CHCHD3: variants seen among roughly 807,000 people sequenced by gnomAD.
CHCHD3 encodes coiled-coil-helix-coiled-coil-helix domain containing 3, also known as MICOS complex subunit MIC19.
In CHCHD3, 20 loss-of-function variants were observed where a neutral mutation model predicts 38.2. The ratio of observed to expected loss-of-function variants is 0.52; its 90% CI spans 0.37 to 0.76. The LOEUF is 0.76. Among genes scored for constraint, CHCHD3 ranks in the 30% least tolerant of loss-of-function variants. CHCHD3 has a pLI of 0.00. For synonymous variants in CHCHD3, 82 were observed against 100.0 expected (o/e 0.82, Z 1.07); for missense variants, 245 against 279.2 (o/e 0.88, Z 0.87).
At chr7:132,972,532 AATATGT>A (rs1335369524) in intron 4 of CHCHD3, 3 of 927,948 alleles carry the variant, frequency 3.2e-6, no homozygotes, top group Non-Finnish European at 3.9e-6. Context: ...TGATCCAATG[AATATGT>A]ATGTCTTCCA....
intron 4 of CHCHD3, among the ~76,000 whole-genome samples, chr7:132,956,702 G>GCT (rs1554394056): frequency 2.0e-5 from 3 of 152,172 alleles, no homozygotes; most frequent in Non-Finnish European, 4.4e-5. Context: ...CTCACTCATT[G>GCT]TAACAGTCGT....
At chr7:133,050,042 G>A (rs1473279879) in intron 2 of CHCHD3, among the ~76,000 whole-genome samples, 1 of 152,098 alleles carries the variant, frequency 6.6e-6, no homozygotes, top group East Asian at 1.9e-4. Context: ...GAAGGCAGTA[G>A]CATCAAAACA....
chr7:132,838,753 T>C (rs950575559), intron 5 of CHCHD3, among the ~76,000 whole-genome samples: 6 of 152,218 alleles, frequency 3.9e-5, no homozygotes, highest in African/African-American at 1.4e-4. Context: ...TTGGAAAGAT[T>C]CTTTAGATTG....
In CHCHD3 at chr7:132,956,351, T is replaced by C. The variant is rs1002547288; in HGVS notation, c.369+18818A>G. Among the ~76,000 whole-genome samples, 10 of 152,238 alleles carry C rather than the reference T, an allele frequency of 6.6e-5. No homozygotes were observed. The East Asian group carries it at 1.3e-3, about 20-fold the overall frequency. On this transcript the variant is annotated intron_variant, in intron 4 of 7. Coordinates refer to ENST00000262570, the MANE Select transcript of CHCHD3 (RefSeq NM_017812.4). ...TATATTTTGATGTATACCCAGCATA[T>C]AGACCACAATGCCTAGCATATAGTA...
intron 6 of CHCHD3, among the ~76,000 whole-genome samples, chr7:132,818,870 G>C (rs6960456): frequency 6.6e-6 from 1 of 151,952 alleles, no homozygotes; most frequent in Admixed American, 6.6e-5. Flanking sequence ...TATTGATACC[G>C]TCAAGAGAAA....
chr7:132,825,700 C>T (rs1047079193), intron 6 of CHCHD3, among the ~76,000 whole-genome samples: 1 of 152,208 alleles, frequency 6.6e-6, no homozygotes, highest in Non-Finnish European at 1.5e-5. Flanking sequence ...ATGCAGCTTG[C>T]AAAGTAATGA....
At chr7:133,003,529 T>C (rs541170633) in intron 3 of CHCHD3, among the ~76,000 whole-genome samples, 3 of 152,336 alleles carry the variant, frequency 2.0e-5, no homozygotes, top group African/African-American at 7.2e-5. Context: ...GTGTGATAGC[T>C]GAGATGATAA....
chr7:133,012,424 T>C (rs1812900230), intron 3 of CHCHD3, among the ~76,000 whole-genome samples: 1 of 152,180 alleles, frequency 6.6e-6, no homozygotes, highest in African/African-American at 2.4e-5. Context: ...TTCTTATTTA[T>C]TGAGCTCCAT....
intron 3 of CHCHD3, among the ~76,000 whole-genome samples, chr7:133,006,191 C>T (rs1047252517): frequency 2.0e-5 from 3 of 152,112 alleles, no homozygotes; most frequent in Non-Finnish European, 4.4e-5. Flanking sequence ...ATAGGCCGGG[C>T]GCAGTGGCTC....
At chr7:132,949,126 C>CAT (rs1457588628) in intron 4 of CHCHD3, among the ~76,000 whole-genome samples, 2 of 152,034 alleles carry the variant, frequency 1.3e-5, no homozygotes, top group Admixed American at 1.3e-4. Flanking sequence ...TTTTGAAGAC[C>CAT]ATATAACTGT....
At chr7:132,920,558 C>T (rs1162346311) in intron 4 of CHCHD3, among the ~76,000 whole-genome samples, 1 of 152,134 alleles carries the variant, frequency 6.6e-6, no homozygotes, top group Non-Finnish European at 1.5e-5. Context: ...ACTGTCTCAA[C>T]TTGTTTTATT....
chr7:132,828,265 T>C (rs1434542436), intron 6 of CHCHD3, among the ~76,000 whole-genome samples: 2 of 152,158 alleles, frequency 1.3e-5, no homozygotes, highest in East Asian at 1.9e-4. Context: ...TTCTCCACAA[T>C]CTTTCCAGAC....
chr7:132,864,261 G>A (rs1357915233), intron 5 of CHCHD3, among the ~76,000 whole-genome samples: 1 of 152,156 alleles, frequency 6.6e-6, no homozygotes, highest in Admixed American at 6.6e-5. Flanking sequence ...TAGTATTGTT[G>A]CGTCTCAGGG....
intron 4 of CHCHD3, among the ~76,000 whole-genome samples, chr7:132,918,602 C>G (rs763284517): frequency 2.0e-5 from 3 of 152,202 alleles, no homozygotes; most frequent in Non-Finnish European, 4.4e-5. Context: ...AGATTATCTA[C>G]ATTTTCAACT....
chr7:133,033,392 C>CGGGGAGG (rs1813555748), intron 2 of CHCHD3, among the ~76,000 whole-genome samples: 1 of 152,096 alleles, frequency 6.6e-6, no homozygotes, highest in Non-Finnish European at 1.5e-5. Flanking sequence ...ATGAAGATCC[C>CGGGGAGG]TCCCCGTGCC....
intron 6 of CHCHD3, among the ~76,000 whole-genome samples, chr7:132,837,448 T>C (rs1259682944): frequency 6.6e-6 from 1 of 152,192 alleles, no homozygotes. Context: ...AAAGAGATAG[T>C]TCACTACAGA....
At chr7:133,040,159 A>G (rs892189244) in intron 2 of CHCHD3, among the ~76,000 whole-genome samples, 1 of 152,200 alleles carries the variant, frequency 6.6e-6, no homozygotes, top group Non-Finnish European at 1.5e-5. Context: ...CTTAGAAAGA[A>G]AAGCTAAAAA....
chr7:133,008,555 T>A (rs1812768675), intron 3 of CHCHD3, among the ~76,000 whole-genome samples: 1 of 152,114 alleles, frequency 6.6e-6, no homozygotes, highest in African/African-American at 2.4e-5. Context: ...CATCTCAAAG[T>A]CTTACAATGC....
At chr7:132,862,469 A>G (rs1808520793) in intron 5 of CHCHD3, among the ~76,000 whole-genome samples, 1 of 152,250 alleles carries the variant, frequency 6.6e-6, no homozygotes. Context: ...ATTTAAAAAT[A>G]CTTTATCACT....
Sources: gnomAD v4.1 joint callset for allele counts (sites outside exome capture counted in the v4.1 genomes callset) on GRCh38, gnomAD v4.1.1 for gene constraint, MANE v1.5 for transcripts, NCBI Gene and HGNC (gene_info 2026-07-23, HGNC 2026-07-21) for gene names.